The following IFT81 variants were observed in gnomAD, a reference collection of about 807,000 sequenced individuals.
The protein encoded by IFT81 is intraflagellar transport protein 81 homolog.
Under a neutral mutation model 102.6 loss-of-function variants are expected in IFT81, and 72 were observed. The observed-to-expected ratio is 0.70, with a 90% confidence interval of 0.58 to 0.85. The LOEUF (loss-of-function observed/expected upper bound fraction) is 0.85, where lower values mean the gene tolerates loss of function less well. Among genes scored for constraint, IFT81 ranks in the 40% least tolerant of loss-of-function variants. The pLI is 0.00. For synonymous variants in IFT81, 237 were observed against 242.7 expected (o/e 0.98, Z 0.22); for missense variants, 723 against 787.3 (o/e 0.92, Z 0.98).
At chr12:110,167,855 T>C (rs1896521715) in intron 11 of IFT81, 2 of 309,258 alleles carry the variant, frequency 6.5e-6, no homozygotes, top group South Asian at 5.3e-5. Flanking sequence ...TTCTTTTTTT[T>C]TTTTTTTTTC....
rs1346935409 is a variant in IFT81, at chr12:110,190,498, G to T, written c.1339-422G>T. On this transcript the variant is annotated intron_variant, in intron 12 of 18. Transcript: ENST00000242591. ...CCCACTAGTAGTAAGCTCTGTGAGGGAAGGGATTTTTTTTTTCCTGTTCTA... is the reference window on the plus strand; with the variant it reads ...CCCACTAGTAGTAAGCTCTGTGAGGTAAGGGATTTTTTTTTTCCTGTTCTA... Among the ~76,000 whole-genome samples the T allele has an allele frequency of 2.6e-5, 4 of 151,722 alleles. No individual in the cohort carries two copies. In the East Asian group the frequency reaches 7.7e-4, roughly 29 times the overall value.
intron 7 of IFT81, among the ~76,000 whole-genome samples, chr12:110,135,721 G>C (rs149712561): frequency 6.6e-6 from 1 of 151,956 alleles, no homozygotes; most frequent in Admixed American, 6.6e-5. Context: ...ATAAAAATTA[G>C]CTGGGCATGG....
Position 110,129,032 on chromosome 12 carries a change from G to A in IFT81, c.331G>A (p.Glu111Lys), listed in dbSNP as rs753995820. ...VLHWLLQRTN[E>K]LKKRAYLARF... is the part of the protein sequence containing the mutation. ...CCACTGGCTTCTTCAGAGGACTAATGAACTGAAGAAAAGAGCATATTTAGC... is the reference window on the plus strand; with the variant it reads ...CCACTGGCTTCTTCAGAGGACTAATAAACTGAAGAAAAGAGCATATTTAGC... The change falls in exon 4 of 19, where the codon GAA becomes AAA. Residue 111 changes from glutamate to lysine, a missense_variant. Transcript: ENST00000242591. 3 of 1,606,818 alleles carry A rather than the reference G, an allele frequency of 1.9e-6. No individual in the cohort carries two copies. The highest frequency in any genetic ancestry group is 1.7e-4 in the Middle Eastern group (1 of 6,054).
At chr12:110,186,489 C>A (rs1448886948) in intron 12 of IFT81, among the ~76,000 whole-genome samples, 1 of 150,348 alleles carries the variant, frequency 6.7e-6, no homozygotes, top group Admixed American at 6.6e-5. Flanking sequence ...TCTTTCCTTT[C>A]TTTCTTTCTT....
At chr12:110,129,199 T>C (rs1894025948) in intron 4 of IFT81, 69 bp downstream of exon 4, 1 of 1,183,064 alleles carries the variant, frequency 8.5e-7, no homozygotes, top group African/African-American at 1.6e-5. Context: ...AAATACATGT[T>C]ACTCTTTTTT....
rs201641986 is a variant in IFT81 at position 110,128,060 on chromosome 12, C to G, written c.159C>G (p.Ile53Met). ...AEIDPKQLVDIREEMPEQTAK... is the reference protein window; with the variant it reads ...AEIDPKQLVDMREEMPEQTAK... Reference sequence around the variant, plus strand: ...TTCTTTGTTAGCAACTTGTGGATATCAGAGAGGAGATGCCAGAGCAGACAG... The same window carrying G: ...TTCTTTGTTAGCAACTTGTGGATATGAGAGAGGAGATGCCAGAGCAGACAG... Residue 53 changes from isoleucine to methionine, a missense_variant, in exon 3 of 19, where the codon ATC (isoleucine) becomes ATG (methionine). Physicochemically the swap from Ile to Met is conservative, Grantham distance 10. Transcript: ENST00000242591. The G allele has an allele frequency of 6.2e-7, 1 of 1,611,336 alleles. No homozygotes were observed. Among genetic ancestry groups the G allele is most frequent in the Admixed American group, 1.7e-5 (1 of 60,000 alleles).
intron 10 of IFT81, chr12:110,162,331 CTTTTTTTTTTTTTTTT>C (rs1160267123): frequency 1.0e-5 from 1 of 100,078 alleles, no homozygotes; most frequent in African/African-American, 4.3e-5. Flanking sequence ...TAATATTTTT[CTTTTTTTTTTTTTTTT>C]TTTTTCTGAG....
rs767006523 is a variant in IFT81, at chr12:110,218,162, A to C, written c.1967A>C (p.Gln656Pro). 4.4e-6 allele frequency: 7 copies of C among 1,586,902 alleles called. No homozygotes were observed. The highest frequency in any genetic ancestry group is 1.9e-5 in the Admixed American group (1 of 52,002). ...MECKKQCFLKQQSQTSIGQVI... is the reference protein window; with the variant it reads ...MECKKQCFLKPQSQTSIGQVI... Reference sequence around the variant, plus strand: ...TGTAAGAAACAGTGCTTTCTGAAACAACAAAGCCAAACTTCCATTGGTCAG... The same window carrying C: ...TGTAAGAAACAGTGCTTTCTGAAACCACAAAGCCAAACTTCCATTGGTCAG... The change falls in exon 19 of 19, where the codon CAA (glutamine) becomes CCA (proline). Residue 656 changes from glutamine (Q) to proline (P), a missense_variant. Coordinates refer to ENST00000242591, the MANE Select transcript of IFT81 (RefSeq NM_014055.4).
At chr12:110,174,457 GAA>G (rs573702387) in intron 11 of IFT81, among the ~76,000 whole-genome samples, 319 of 55,188 alleles carry the variant, frequency 5.8e-3, no homozygotes, top group African/African-American at 0.015. Context: ...CTCCGTCTCA[GAA>G]AAAAAAAAAA....
At chr12:110,149,813 C>T (rs1226208903) in intron 10 of IFT81, among the ~76,000 whole-genome samples, 2 of 152,112 alleles carry the variant, frequency 1.3e-5, no homozygotes, top group Non-Finnish European at 2.9e-5. Context: ...CTTCTTCAGC[C>T]GATCTCCTCT....
chr12:110,163,135 C>CT, intron 11 of IFT81, 70 bp downstream of exon 11: 1 of 1,248,784 alleles, frequency 8.0e-7, no homozygotes, highest in East Asian at 2.4e-5. Context: ...GTGTGTTTGA[C>CT]TTTCTTAGTG....
chr12:110,143,840 A>G (rs1593293908), intron 9 of IFT81, among the ~76,000 whole-genome samples: 1 of 152,306 alleles, frequency 6.6e-6, no homozygotes, highest in South Asian at 2.1e-4. Context: ...TAATGTAAGC[A>G]TTTAGATGGG....
intron 9 of IFT81, among the ~76,000 whole-genome samples, chr12:110,144,930 A>G (rs1383050162): frequency 8.9e-5 from 13 of 145,590 alleles, no homozygotes; most frequent in Admixed American, 2.1e-4. Context: ...CAGTGGCACA[A>G]TCTCAGCTCA....
intron 8 of IFT81, among the ~76,000 whole-genome samples, chr12:110,140,864 C>G (rs113356321): frequency 2.6e-5 from 4 of 151,578 alleles, no homozygotes; most frequent in African/African-American, 9.7e-5. Flanking sequence ...GCTGGGATTA[C>G]AGGCATATGC....
At chr12:110,137,995 C>T (rs1278136099) in intron 8 of IFT81, among the ~76,000 whole-genome samples, 1 of 152,226 alleles carries the variant, frequency 6.6e-6, no homozygotes, top group African/African-American at 2.4e-5. Context: ...ATTACACCAC[C>T]AGATCCATCC....
chr12:110,205,673 G>A lies in IFT81; in HGVS notation c.1795G>A (p.Ala599Thr), dbSNP rs1019988065. 1.9e-6 allele frequency: 3 copies of A among 1,574,390 alleles called. No individual in the cohort carries two copies. The highest frequency in any genetic ancestry group is 1.7e-6 in the Non-Finnish European group (2 of 1,163,938). ...ISSDQQEKRK[A>T]IREQYTKNTA... ...TTCTGATCAACAAGAAAAAAGAAAG[G>A]CAATTAGGCAAGTGATTTTGTTGTT... The change falls in exon 17 of 19, where the codon GCA (alanine) becomes ACA (threonine). Residue 599 changes from alanine to threonine, a missense_variant. Coordinates refer to ENST00000242591, the MANE Select transcript of IFT81 (RefSeq NM_014055.4).
At chr12:110,141,080 A>G (rs1405024027) in intron 8 of IFT81, among the ~76,000 whole-genome samples, 1 of 151,880 alleles carries the variant, frequency 6.6e-6, no homozygotes, top group Non-Finnish European at 1.5e-5. Flanking sequence ...GCTAGAGTGC[A>G]ATGGCATGAT....
chr12:110,189,101 G>T (rs1033107664), intron 12 of IFT81, among the ~76,000 whole-genome samples: 4 of 151,916 alleles, frequency 2.6e-5, no homozygotes, highest in African/African-American at 9.7e-5. Context: ...CACTTTCCTG[G>T]TTTTTCTTCC....
chr12:110,139,935 A>ACCATCGGTAC (rs2137342371), intron 8 of IFT81, among the ~76,000 whole-genome samples: 1 of 151,262 alleles, frequency 6.6e-6, no homozygotes. Context: ...GCATGGTGGT[A>ACCATCGGTAC]CATGCCGATA....
Sources: allele counts gnomAD v4.1 joint callset (sites outside exome capture counted in the v4.1 genomes callset), GRCh38; gene constraint gnomAD v4.1.1; transcripts MANE v1.5; gene names NCBI Gene and HGNC (gene_info 2026-07-23, HGNC 2026-07-21).